Variants in KLHL29 observed in about 807,000 individuals in gnomAD.
KLHL29 encodes kelch like family member 29.
Under a neutral mutation model 80.4 loss-of-function variants are expected in KLHL29, and 21 were observed. That is an observed-to-expected ratio of 0.26 (90% CI 0.19 to 0.38). KLHL29 has a LOEUF of 0.38. Among genes scored for constraint, KLHL29 ranks in the 10% least tolerant of loss-of-function variants. KLHL29 has a pLI of 1.00. For missense variants in KLHL29, 867 were observed against 1,223.9 expected (o/e 0.71, Z 4.35); for synonymous variants, 511 against 526.8 (o/e 0.97, Z 0.41).
At chr2:23,525,476 G>A (rs902053476) in intron 2 of KLHL29, among the ~76,000 whole-genome samples, 10 of 152,236 alleles carry the variant, frequency 6.6e-5, no homozygotes, top group African/African-American at 2.4e-4. Flanking sequence ...ATGGTGGCCG[G>A]AGCTTGCTGG....
chr2:23,592,864 C>T (rs1197937283), intron 3 of KLHL29, among the ~76,000 whole-genome samples: 2 of 152,208 alleles, frequency 1.3e-5, no homozygotes, highest in African/African-American at 2.4e-5. Flanking sequence ...TCCCTGCAGG[C>T]ACGTTGGTCC....
intron 2 of KLHL29, among the ~76,000 whole-genome samples, chr2:23,548,116 G>A (rs1336831859): frequency 1.3e-5 from 2 of 152,212 alleles, no homozygotes; most frequent in Non-Finnish European, 2.9e-5. Flanking sequence ...GAGCAGGCAG[G>A]CCGTGGCTTC....
chr2:23,434,058 A>G (rs1376437472), intron 1 of KLHL29, among the ~76,000 whole-genome samples: 1 of 152,024 alleles, frequency 6.6e-6, no homozygotes, highest in Non-Finnish European at 1.5e-5. Context: ...GCGGTGGCTC[A>G]CGCCTGTAAT....
At chr2:23,639,067 C>T (rs1669694331) in intron 3 of KLHL29, 72 bp from the exon 4 acceptor site, 2 of 1,422,164 alleles carry the variant, frequency 1.4e-6, no homozygotes, top group Non-Finnish European at 1.9e-6. Context: ...GGCTAGGTCC[C>T]TCCTAGGGAG....
intron 1 of KLHL29, among the ~76,000 whole-genome samples, chr2:23,443,432 A>C (rs767160359): frequency 6.6e-6 from 1 of 152,190 alleles, no homozygotes; most frequent in Non-Finnish European, 1.5e-5. Flanking sequence ...TTAAAAATCT[A>C]TTCATATGTT....
intron 2 of KLHL29, among the ~76,000 whole-genome samples, chr2:23,529,734 C>T (rs1224434468): frequency 6.6e-6 from 1 of 152,220 alleles, no homozygotes; most frequent in African/African-American, 2.4e-5. Flanking sequence ...CAGGACCTAG[C>T]TTAGACCAGC....
Position 23,562,414 on chromosome 2 carries a change from G to A in KLHL29, c.218G>A (p.Cys73Tyr). 1.3e-6 allele frequency: 2 copies of A among 1,538,036 alleles called. No homozygotes were observed. Among genetic ancestry groups the A allele is most frequent in the South Asian group, 1.2e-5 (1 of 84,032 alleles). Residue 73 changes from cysteine to tyrosine, a missense_variant, in exon 3 of 14, where the codon TGC becomes TAC. Around this residue, in one of 2 missense-constraint regions of KLHL29, gnomAD observed 424 missense variants for 456.9 expected, o/e 0.93. Transcript: ENST00000486442. The surrounding 1 kb of genome is among the most constrained non-coding windows in gnomAD (Gnocchi z 4.5). ...ACCCCGGCTACAGCTCCTGCTCCCT[G>A]CACCACCGGCAGCAGCGAGGCCATC... Reference protein sequence around the residue: ...LPTPATAPAPCTTGSSEAITS... With the variant: ...LPTPATAPAPYTTGSSEAITS...
At chr2:23,537,977 G>C (rs550307037) in intron 2 of KLHL29, among the ~76,000 whole-genome samples, 134 of 152,330 alleles carry the variant, frequency 8.8e-4, no homozygotes, top group Non-Finnish European at 1.2e-3. Context: ...GCTCTGGTCT[G>C]TAAAGGAAAG....
At chr2:23,487,134 C>T (rs942499893) in intron 2 of KLHL29, among the ~76,000 whole-genome samples, 4 of 151,736 alleles carry the variant, frequency 2.6e-5, no homozygotes, top group Non-Finnish European at 4.4e-5. Flanking sequence ...CTCCCTCGTG[C>T]GAGCAGCTGT....
At chr2:23,397,734 C>G (rs1034141909) in intron 1 of KLHL29, among the ~76,000 whole-genome samples, 1 of 152,168 alleles carries the variant, frequency 6.6e-6, no homozygotes, top group African/African-American at 2.4e-5. Context: ...GTCAGGCCAG[C>G]ACAGTGGCAA....
intron 5 of KLHL29, chr2:23,670,126 A>T (rs1670668936): frequency 6.6e-6 from 1 of 151,222 alleles, no homozygotes; most frequent in African/African-American, 2.4e-5. Flanking sequence ...AGTGAGTGCC[A>T]GAGGCTGCAC....
chr2:23,699,245 C>G (rs1293447269), intron 11 of KLHL29, among the ~76,000 whole-genome samples: 1 of 152,162 alleles, frequency 6.6e-6, no homozygotes, highest in Non-Finnish European at 1.5e-5. Flanking sequence ...AGGAGGCTCA[C>G]AGAAAGAAAG....
intron 3 of KLHL29, among the ~76,000 whole-genome samples, chr2:23,632,918 A>G (rs1669507234): frequency 6.6e-6 from 1 of 152,216 alleles, no homozygotes; most frequent in South Asian, 2.1e-4. Flanking sequence ...GTCACATGCC[A>G]TGCCCTAGCT....
At position 23,529,361 on chromosome 2, in the gene KLHL29, C is replaced by T. The variant is rs371514549; in HGVS notation, c.-45-32791C>T. On this transcript the variant is annotated intron_variant, in intron 2 of 13. Transcript: ENST00000486442. ...AACTCCTGGCCTAAAGCAATCCTCC[C>T]GCCTCAGCCTCCCAAGGCACTGGGA... Among the ~76,000 whole-genome samples the T allele has an allele frequency of 2.7e-4, 41 of 152,238 alleles. No individual in the cohort carries two copies. The South Asian group carries it at 5.0e-3, about 18-fold the overall frequency.
chr2:23,558,140 C>T (rs1328392238), intron 2 of KLHL29, among the ~76,000 whole-genome samples: 2 of 152,178 alleles, frequency 1.3e-5, no homozygotes, highest in Non-Finnish European at 2.9e-5. Flanking sequence ...AACTTAACTG[C>T]AGTGGCAGCT....
chr2:23,409,542 G>A (rs951562695), intron 1 of KLHL29, among the ~76,000 whole-genome samples: 7 of 152,138 alleles, frequency 4.6e-5, no homozygotes, highest in African/African-American at 7.2e-5. Flanking sequence ...AATCTTCCTC[G>A]GAAGGAATAT....
At chr2:23,484,947 C>T (rs1664889382) in intron 2 of KLHL29, among the ~76,000 whole-genome samples, 1 of 152,160 alleles carries the variant, frequency 6.6e-6, no homozygotes, top group African/African-American at 2.4e-5. Flanking sequence ...TATCTCCTGG[C>T]AAAGAGCTCC....
rs143130994 is a variant in KLHL29, at chr2:23,516,810, T to A, written c.-46+41143T>A. 2.6e-5 allele frequency among the ~76,000 whole-genome samples: 4 copies of A among 152,282 alleles called. No homozygotes were observed. In the East Asian group the frequency reaches 5.8e-4, roughly 22 times the overall value. ...GGCCACAGAGGAATTAGTGAACAGA[T>A]CTCAGCTTACAAAGCCTCACAGTTT... On this transcript the variant is annotated intron_variant, in intron 2 of 13. Transcript: ENST00000486442.
At chr2:23,490,055 T>C (rs950457100) in intron 2 of KLHL29, among the ~76,000 whole-genome samples, 1 of 152,250 alleles carries the variant, frequency 6.6e-6, no homozygotes, top group Admixed American at 6.5e-5. Flanking sequence ...CATTCACTTA[T>C]TTCATGAGTG....
Sources: gnomAD v4.1 joint callset for allele counts (sites outside exome capture counted in the v4.1 genomes callset) on GRCh38, gnomAD v4.1.1 for gene constraint, gnomAD v4.1.1 regional missense constraint, Gnocchi (gnomAD v3.1) non-coding constraint, MANE v1.5 for transcripts, NCBI Gene and HGNC (gene_info 2026-07-23, HGNC 2026-07-21) for gene names.